Variants in PCF11 observed in about 807,000 individuals in gnomAD.
PCF11 encodes the protein PCF11 cleavage and polyadenylation factor subunit.
In PCF11, 19 loss-of-function variants were observed where a neutral mutation model predicts 166.1. The ratio of observed to expected loss-of-function variants is 0.11; its 90% confidence interval spans 0.08 to 0.17. PCF11 has a LOEUF of 0.17. Among genes scored for constraint, PCF11 ranks in the 10% least tolerant of loss-of-function variants. The probability of loss-of-function intolerance (pLI) is 1.00; values close to 1 mark genes in which losing one functional copy is unlikely to be tolerated. For synonymous variants in PCF11, 663 were observed against 644.1 expected (o/e 1.03, Z -0.44); for missense variants, 1,565 against 1,855.5 (o/e 0.84, Z 2.88).
At chr11:83,176,212 A>G (rs183301584) in intron 9 of PCF11, among the ~76,000 whole-genome samples, 81 of 152,344 alleles carry the variant, frequency 5.3e-4, no homozygotes, top group African/African-American at 1.9e-3. Flanking sequence ...AGAAGGGAGC[A>G]TAAAGGGTCA....
At chr11:83,162,182 T>A (rs1262838852) in intron 2 of PCF11, among the ~76,000 whole-genome samples, 1 of 152,212 alleles carries the variant, frequency 6.6e-6, no homozygotes, top group Admixed American at 6.5e-5. Context: ...AGGCTATATC[T>A]TTCACATTGA....
In PCF11 at chr11:83,183,081, C is replaced by CT; in HGVS notation, c.4452+13dup. 6.9e-7 allele frequency: 1 copy of CT among 1,451,742 alleles called. No individual in the cohort carries two copies. The highest frequency in any genetic ancestry group is 9.5e-7 in the Non-Finnish European group (1 of 1,057,330). The allele number at this position is 1,451,742 out of a possible 1,614,324, so 89.9% of individuals were successfully genotyped here. A position where few individuals can be genotyped will look rare whatever the true frequency, so the allele number is the denominator to read the frequency against. ...TATGAAGATTATCAAAATGTAAGTT[C>CT]TTTTTGGTTACTGTATTTGTTCTCA... On this transcript the variant is annotated intron_variant, in intron 15 of 15. Transcript: ENST00000298281.
chr11:83,166,318 C>G (rs569738550), exon 5 of PCF11: 5 of 1,613,532 alleles, frequency 3.1e-6, no homozygotes, highest in Non-Finnish European at 4.2e-6. Context: ...CCAGGGAGAT[C>G]GAGTACTAGA....
chr11:83,177,941 G>T, intron 11 of PCF11, 122 bp downstream of exon 11: 7 of 362,052 alleles, frequency 1.9e-5, no homozygotes, highest in Admixed American at 4.7e-5. Context: ...TTAACATTTA[G>T]GAAGTCTTTT....
rs1860419093 is a variant in PCF11, at chr11:83,165,593, G to T, written c.703-7G>T. On this transcript the variant is annotated splice_polypyrimidine_tract_variant and splice_region_variant and intron_variant, in intron 4 of 15. Transcript: ENST00000298281. Reference sequence around the variant, plus strand: ...GTGTTAACATGAACATTTATTTTGTGTTTTAGGCAGTTTCTCTTAGTGTTC... The same window carrying T: ...GTGTTAACATGAACATTTATTTTGTTTTTTAGGCAGTTTCTCTTAGTGTTC... 1 of 1,597,432 alleles carries T rather than the reference G, an allele frequency of 6.3e-7. No homozygotes were observed.
At chr11:83,172,726 T>C (rs1002565724) in intron 9 of PCF11, among the ~76,000 whole-genome samples, 2 of 152,202 alleles carry the variant, frequency 1.3e-5, no homozygotes, top group African/African-American at 2.4e-5. Flanking sequence ...AAATGAATTT[T>C]AGTTTTAATA....
intron 9 of PCF11, among the ~76,000 whole-genome samples, chr11:83,172,443 G>A (rs1415754677): frequency 6.6e-6 from 1 of 151,872 alleles, no homozygotes; most frequent in Non-Finnish European, 1.5e-5. Context: ...TTATTTATGA[G>A]GCAGAATCTT....
At chr11:83,172,515 G>A (rs1051269151) in intron 9 of PCF11, among the ~76,000 whole-genome samples, 3 of 152,016 alleles carry the variant, frequency 2.0e-5, no homozygotes, top group East Asian at 1.9e-4. Context: ...CTCTGCCTCC[G>A]GGGTTCAAGC....
chr11:83,161,507 T>A, intron 2 of PCF11, 55 bp downstream of exon 2: 1 of 1,332,160 alleles, frequency 7.5e-7, no homozygotes, highest in Non-Finnish European at 1.0e-6. Flanking sequence ...TGTTCCTGAT[T>A]AAATAAATAT....
chr11:83,158,561 G>A (rs1376102962), intron 1 of PCF11: 1 of 152,184 alleles, frequency 6.6e-6, no homozygotes, highest in Non-Finnish European at 1.5e-5. Context: ...ATTCATATGG[G>A]AGCGATATGT....
intron 1 of PCF11, among the ~76,000 whole-genome samples, chr11:83,160,404 GGTGT>G (rs1033293433): frequency 2.3e-5 from 3 of 128,872 alleles, no homozygotes; most frequent in Non-Finnish European, 4.7e-5. Flanking sequence ...AAACTATTAT[GGTGT>G]GTCTTAATGC....
At position 83,184,880 on chromosome 11, in the gene PCF11, G is replaced by C. The variant is rs763402029; in HGVS notation, c.4654G>C (p.Val1552Leu). The C allele has an allele frequency of 1.9e-6, 3 of 1,555,936 alleles. No homozygotes were observed. The East Asian group carries it at 6.9e-5, about 36-fold the overall frequency. Residue 1552 changes from valine (V) to leucine (L), a missense_variant, in exon 16 of 16, where the codon GTC becomes CTC. Around this residue, in one of 12 missense-constraint regions of PCF11, gnomAD observed 99 missense variants for 89.1 expected, o/e 1.11. Transcript: ENST00000298281. ...TGAAATTAAAACAGAAAATGACACA[G>C]TCGAGTCAGTTTAAATAAAATGAGA...
At chr11:83,170,140 G>T (rs1359431734) in intron 8 of PCF11, 145 bp downstream of exon 8, 2 of 615,062 alleles carry the variant, frequency 3.3e-6, no homozygotes, top group Admixed American at 7.6e-5. Flanking sequence ...TAAGGAAGTG[G>T]GATGAGCATC....
rs1590939704 is a variant in PCF11 at position 83,181,565 on chromosome 11, C to G, written c.4168-289C>G. 2.8e-5 allele frequency among the ~76,000 whole-genome samples: 4 copies of G among 143,900 alleles called. No individual in the cohort carries two copies. The South Asian group carries it at 8.6e-4, about 31-fold the overall frequency. 94.4% of individuals were successfully genotyped at this position (143,900 alleles called of 152,430 possible). A position where few individuals can be genotyped will look rare whatever the true frequency, so the allele number is the denominator to read the frequency against. ...TTAGAGTGTAGCCTACAGGCTTGTT[C>G]TAGCTCTAAAATTCCCAGGCTCTAG... On this transcript the variant is annotated intron_variant, in intron 12 of 15. Transcript: ENST00000298281.
intron 15 of PCF11, among the ~76,000 whole-genome samples, chr11:83,183,929 A>T (rs973954361): frequency 1.3e-5 from 2 of 151,672 alleles, no homozygotes; most frequent in African/African-American, 4.8e-5. Flanking sequence ...AGGCGAGTGG[A>T]TCACCTGAGG....
intron 9 of PCF11, among the ~76,000 whole-genome samples, chr11:83,172,320 C>G (rs1565158084): frequency 6.6e-6 from 1 of 152,124 alleles, no homozygotes; most frequent in African/African-American, 2.4e-5. Flanking sequence ...ACTCAAATAG[C>G]AAAAAGCGGC....
exon 1 of PCF11, chr11:83,157,606 C>G (rs1170881894): frequency 1.2e-6 from 2 of 1,614,034 alleles, no homozygotes; most frequent in Non-Finnish European, 1.7e-6. Flanking sequence ...GAGATCGTCT[C>G]TCTCATCGAG....
At chr11:83,177,185 A>G in exon 10 of PCF11, 1 of 1,563,738 alleles carries the variant, frequency 6.4e-7, no homozygotes, top group Non-Finnish European at 8.7e-7. Flanking sequence ...AATTGTCCCA[A>G]ACTGATTCAG....
At chr11:83,169,675 A>G (rs761301497) in exon 8 of PCF11, 2 of 1,613,890 alleles carry the variant, frequency 1.2e-6, no homozygotes, top group Non-Finnish European at 8.5e-7. Context: ...TCTTCAAGGC[A>G]CAAGATTTGA....
Sources: allele counts gnomAD v4.1 joint callset (sites outside exome capture counted in the v4.1 genomes callset), GRCh38; gene constraint gnomAD v4.1.1; regional missense constraint gnomAD v4.1.1; transcripts MANE v1.5; gene names NCBI Gene and HGNC (gene_info 2026-07-23, HGNC 2026-07-21).